Variants in GRM1 observed in about 807,000 individuals in gnomAD.
The protein encoded by GRM1 is metabotropic glutamate receptor 1.
A neutral mutation model predicts 90.9 loss-of-function variants in GRM1; 33 were observed. The ratio of observed to expected loss-of-function variants is 0.36; its 90% confidence interval spans 0.28 to 0.49. The LOEUF is 0.49. GRM1 is among the 20% of genes least tolerant of loss of function. GRM1 has a pLI of 0.99. For missense variants in GRM1, 1,190 were observed against 1,534.3 expected (o/e 0.78, Z 3.75); for synonymous variants, 700 against 613.2 (o/e 1.14, Z -2.09).
chr6:146,151,874 C>A (rs1777350366), intron 1 of GRM1, among the ~76,000 whole-genome samples: 1 of 152,134 alleles, frequency 6.6e-6, no homozygotes, highest in South Asian at 2.1e-4. Flanking sequence ...CATGTGTTCT[C>A]CTTCATAAAT....
chr6:146,080,172 A>G (rs1049328454), intron 1 of GRM1, among the ~76,000 whole-genome samples: 2 of 152,206 alleles, frequency 1.3e-5, no homozygotes, highest in Non-Finnish European at 2.9e-5. Flanking sequence ...TGACTCTGTT[A>G]CTGTGTAGAA....
intron 1 of GRM1, among the ~76,000 whole-genome samples, chr6:146,148,770 A>G (rs1423274835): frequency 5.3e-5 from 8 of 152,148 alleles, no homozygotes; most frequent in Non-Finnish European, 1.0e-4. Context: ...CCAACAGTGG[A>G]TATTATCATT....
chr6:146,410,083 G>T (rs779051474), intron 7 of GRM1, among the ~76,000 whole-genome samples: 1 of 152,020 alleles, frequency 6.6e-6, no homozygotes, highest in East Asian at 1.9e-4. Context: ...GCTTAGATGG[G>T]TATGAAAAAA....
intron 1 of GRM1, among the ~76,000 whole-genome samples, chr6:146,158,591 G>A (rs976507465): frequency 3.9e-5 from 6 of 152,114 alleles, no homozygotes; most frequent in Non-Finnish European, 7.4e-5. Flanking sequence ...CTCAAACTTC[G>A]GGAGAGGAAT....
intron 5 of GRM1, among the ~76,000 whole-genome samples, chr6:146,373,739 A>AT (rs1775990168): frequency 6.6e-6 from 1 of 152,124 alleles, no homozygotes; most frequent in African/African-American, 2.4e-5. Flanking sequence ...TTGAATTGGT[A>AT]TATAAGTTCT....
At chr6:146,335,743 G>C (rs930831031) in intron 3 of GRM1, among the ~76,000 whole-genome samples, 2 of 152,132 alleles carry the variant, frequency 1.3e-5, no homozygotes. Flanking sequence ...CATTAAAAGA[G>C]TACAATGCTT....
chr6:146,385,066 A>G (rs1008902634), intron 5 of GRM1, among the ~76,000 whole-genome samples: 2 of 152,110 alleles, frequency 1.3e-5, no homozygotes, highest in African/African-American at 4.8e-5. Context: ...TGGGAGAGTG[A>G]AGCAGGTCAG....
intron 2 of GRM1, among the ~76,000 whole-genome samples, chr6:146,303,352 C>T (rs890573656): frequency 6.6e-6 from 1 of 152,120 alleles, no homozygotes; most frequent in Non-Finnish European, 1.5e-5. Flanking sequence ...CCAAGACAGC[C>T]TTAATATTCT....
At chr6:146,161,917 C>T (rs1428903736) in intron 2 of GRM1, among the ~76,000 whole-genome samples, 1 of 152,128 alleles carries the variant, frequency 6.6e-6, no homozygotes, top group Non-Finnish European at 1.5e-5. Context: ...CGATGCCATC[C>T]TTAGAAGTAG....
intron 3 of GRM1, among the ~76,000 whole-genome samples, chr6:146,344,508 C>T (rs79784451): frequency 0.012 from 1,900 of 152,244 alleles, 40 homozygotes; most frequent in African/African-American, 0.044. Flanking sequence ...TTACTAAGAC[C>T]TCCTTGCCTG....
chr6:146,380,947 A>G (rs1256414847), intron 5 of GRM1, among the ~76,000 whole-genome samples: 1 of 152,096 alleles, frequency 6.6e-6, no homozygotes, highest in Non-Finnish European at 1.5e-5. Flanking sequence ...GGGGCTTCAC[A>G]ACTCTGATGG....
At chr6:146,177,859 G>A (rs1778390343) in intron 2 of GRM1, among the ~76,000 whole-genome samples, 1 of 152,070 alleles carries the variant, frequency 6.6e-6, no homozygotes. Context: ...CAGGCCTACA[G>A]AACTCTTTAT....
intron 1 of GRM1, among the ~76,000 whole-genome samples, chr6:146,151,733 C>T (rs1338762486): frequency 6.6e-6 from 1 of 152,126 alleles, no homozygotes; most frequent in Non-Finnish European, 1.5e-5. Flanking sequence ...TATTTTCTCT[C>T]CTGAGATCCC....
intron 2 of GRM1, among the ~76,000 whole-genome samples, chr6:146,201,299 G>A (rs923786683): frequency 2.0e-5 from 3 of 152,142 alleles, no homozygotes; most frequent in Admixed American, 1.3e-4. Flanking sequence ...TAAAACAAAG[G>A]TCTATATAAT....
intron 3 of GRM1, among the ~76,000 whole-genome samples, chr6:146,337,845 C>T (rs1021767897): frequency 3.3e-5 from 5 of 152,174 alleles, no homozygotes; most frequent in African/African-American, 1.2e-4. Context: ...AAATGATTTA[C>T]TTCCCCTAGT....
At chr6:146,352,581 T>C (rs1785445499) in intron 4 of GRM1, 85 bp downstream of exon 4, 5 of 1,388,550 alleles carry the variant, frequency 3.6e-6, no homozygotes, top group African/African-American at 1.4e-5. Context: ...TCTGGTTCCA[T>C]GGTTTCTGGG....
intron 2 of GRM1, among the ~76,000 whole-genome samples, chr6:146,275,169 CAG>C (rs3065079): frequency 2.6e-5 from 4 of 152,014 alleles, no homozygotes; most frequent in African/African-American, 7.3e-5. Context: ...GCGAAACTGA[CAG>C]AGAGAGAAAA....
intron 7 of GRM1, among the ~76,000 whole-genome samples, chr6:146,417,191 G>A (rs1030799013): frequency 2.6e-5 from 4 of 152,122 alleles, no homozygotes; most frequent in Non-Finnish European, 2.9e-5. Context: ...AAGATGATCC[G>A]CTTACCTCTC....
At chr6:146,181,259 C>G (rs555146256) in intron 2 of GRM1, among the ~76,000 whole-genome samples, 4 of 150,954 alleles carry the variant, frequency 2.6e-5, no homozygotes, top group Non-Finnish European at 5.9e-5. Flanking sequence ...ACAAAAAAAA[C>G]CACAACAAAA....
Sources: allele counts gnomAD v4.1 joint callset (sites outside exome capture counted in the v4.1 genomes callset), GRCh38; gene constraint gnomAD v4.1.1; transcripts MANE v1.5; gene names NCBI Gene and HGNC (gene_info 2026-07-23, HGNC 2026-07-21).